Variants in TPD52L1 observed in about 807,000 individuals in gnomAD.
TPD52L1 encodes the protein tumor protein D53.
TPD52L1 carries 18 observed loss-of-function variants against 28.7 expected under a neutral mutation model. The ratio of observed to expected loss-of-function variants is 0.63; its 90% CI spans 0.43 to 0.93. The LOEUF (loss-of-function observed/expected upper bound fraction) is 0.93, where lower values mean the gene tolerates loss of function less well. Ranked by LOEUF, TPD52L1 falls within the 40% of genes least tolerant of loss-of-function variation. TPD52L1 has a pLI of 0.00. For synonymous variants in TPD52L1, 75 were observed against 88.8 expected (o/e 0.84, Z 0.88); for missense variants, 203 against 254.8 (o/e 0.80, Z 1.39).
intron 1 of TPD52L1, among the ~76,000 whole-genome samples, chr6:125,177,142 C>T (rs80307286): frequency 0.012 from 1,858 of 152,290 alleles, 37 homozygotes; most frequent in African/African-American, 0.042. Context: ...TACATTCACC[C>T]GTACATTGGT....
intron 1 of TPD52L1, among the ~76,000 whole-genome samples, chr6:125,186,029 G>A (rs953321487): frequency 1.3e-5 from 2 of 151,754 alleles, no homozygotes; most frequent in African/African-American, 4.8e-5. Flanking sequence ...GAGTAGCTGA[G>A]ATTATAGATG....
chr6:125,154,006 TG>T, intron 1 of TPD52L1, 36 bp downstream of exon 1: 1 of 1,593,192 alleles, frequency 6.3e-7, no homozygotes. Context: ...AGTCAGGTCC[TG>T]GGGCGCGCAT....
chr6:125,163,742 A>G (rs1292038452), intron 1 of TPD52L1, among the ~76,000 whole-genome samples: 2 of 151,418 alleles, frequency 1.3e-5, no homozygotes, highest in Non-Finnish European at 2.9e-5. Flanking sequence ...CCTGATCAAC[A>G]TCGTGAAACC....
At chr6:125,172,472 G>C (rs1300538078) in intron 1 of TPD52L1, among the ~76,000 whole-genome samples, 1 of 110,512 alleles carries the variant, frequency 9.0e-6, no homozygotes, top group African/African-American at 3.9e-5. Context: ...GTGTGTGTGT[G>C]TGTGTGTTTT....
At position 125,166,751 on chromosome 6, in the gene TPD52L1, T is replaced by C. The variant is rs537514835; in HGVS notation, c.19+12781T>C. On this transcript the variant is annotated intron_variant, in intron 1 of 6. Coordinates refer to ENST00000534000, the MANE Select transcript of TPD52L1 (RefSeq NM_003287.4). ...AAAGGGAGGTGGAGAAAAGGCAATA[T>C]TGAGAGAGCAAATGACTTCTTTAAA... Among the ~76,000 whole-genome samples, 143 of 150,232 alleles carry C rather than the reference T, an allele frequency of 9.5e-4. 1 individual carries two copies. Among genetic ancestry groups the C allele is most frequent in the South Asian group, 1.9e-3 (9 of 4,756 alleles).
chr6:125,257,397 C>A (rs532066776), intron 6 of TPD52L1, among the ~76,000 whole-genome samples: 1 of 152,106 alleles, frequency 6.6e-6, no homozygotes, highest in Non-Finnish European at 1.5e-5. Flanking sequence ...TTGGGGTATG[C>A]GTTTACCACT....
In TPD52L1 at chr6:125,187,087, C is replaced by T. The variant is rs141941262; in HGVS notation, c.20-32991C>T. On this transcript the variant is annotated intron_variant, in intron 1 of 6. Transcript: ENST00000534000. The stretch of plus-strand genomic sequence containing the variant: ...ACCAGTTAATAGATTAATATCAATA[C>T]AATATGAAAAAAATCTAATAATTTG... Among the ~76,000 whole-genome samples the T allele has an allele frequency of 4.0e-5, 6 of 151,592 alleles. No individual in the cohort carries two copies. In the East Asian group the frequency reaches 9.7e-4, roughly 24 times the overall value.
At chr6:125,211,018 G>GAGCC (rs1794458861) in intron 1 of TPD52L1, among the ~76,000 whole-genome samples, 1 of 152,154 alleles carries the variant, frequency 6.6e-6, no homozygotes, top group Non-Finnish European at 1.5e-5. Flanking sequence ...CTGCAGGACA[G>GAGCC]AGCCAGGACT....
At chr6:125,174,536 G>A (rs765869172) in intron 1 of TPD52L1, among the ~76,000 whole-genome samples, 3 of 152,164 alleles carry the variant, frequency 2.0e-5, no homozygotes, top group African/African-American at 7.2e-5. Flanking sequence ...CCGAAATTTT[G>A]CTAATGAGAC....
chr6:125,163,726 G>T (rs1790681158), intron 1 of TPD52L1, among the ~76,000 whole-genome samples: 1 of 151,544 alleles, frequency 6.6e-6, no homozygotes, highest in Non-Finnish European at 1.5e-5. Flanking sequence ...AGGAGCTCAA[G>T]ACCAGCCTGA....
chr6:125,254,566 A>T (rs561106573), intron 5 of TPD52L1, among the ~76,000 whole-genome samples: 1 of 151,920 alleles, frequency 6.6e-6, no homozygotes, highest in East Asian at 1.9e-4. Flanking sequence ...AGCCTTTGGG[A>T]TCTTCCCCCA....
intron 1 of TPD52L1, among the ~76,000 whole-genome samples, chr6:125,217,693 A>G (rs956885181): frequency 2.0e-5 from 3 of 152,126 alleles, no homozygotes; most frequent in Non-Finnish European, 2.9e-5. Flanking sequence ...CCTCTGCCCT[A>G]TGGGATCCTC....
At chr6:125,209,958 A>G (rs1475212479) in intron 1 of TPD52L1, among the ~76,000 whole-genome samples, 1 of 152,220 alleles carries the variant, frequency 6.6e-6, no homozygotes. Context: ...GAAACTTGAT[A>G]GAGAGTTCAT....
chr6:125,263,006 A>C lies in TPD52L1; in HGVS notation c.*44A>C. ...TGCATCCAGAAACCGGCCACTACCC[A>C]GCCCATCTCTGCCTGTGCTTATCCA... On this transcript the variant is annotated 3_prime_UTR_variant, in exon 7 of 7. Coordinates refer to ENST00000534000, the MANE Select transcript of TPD52L1 (RefSeq NM_003287.4). 6.3e-7 allele frequency: 1 copy of C among 1,582,346 alleles called. No homozygotes were observed. Among genetic ancestry groups the C allele is most frequent in the Non-Finnish European group, 8.6e-7 (1 of 1,164,992 alleles).
rs1554219324 is a variant in TPD52L1 at position 125,260,921 on chromosome 6, GA to G, written c.487-1911del. ...GGGAGAAAGAAAGGAAAGAAAGAAA[GA>G]AGAAAGAAAGAAAGAAAGAAAGAAA... On this transcript the variant is annotated intron_variant, in intron 6 of 6. Transcript: ENST00000534000. 4 of 58,804 alleles carry G rather than the reference GA, an allele frequency of 6.8e-5. 1 individual carries two copies. The highest frequency in any genetic ancestry group is 4.0e-4 in the African/African-American group (3 of 7,440). The allele number at this position is 58,804 out of a possible 1,614,324, so 3.6% of individuals were successfully genotyped here.
At chr6:125,262,562 C>G (rs1427089335) in intron 6 of TPD52L1, 2 of 334,544 alleles carry the variant, frequency 6.0e-6, no homozygotes, top group Non-Finnish European at 1.1e-5. Context: ...CGATTATGCT[C>G]CTGAAGGGAT....
chr6:125,252,823 C>G (rs550069734), intron 4 of TPD52L1: 3 of 152,288 alleles, frequency 2.0e-5, no homozygotes, highest in African/African-American at 7.2e-5. Context: ...TTTCTGTGTT[C>G]TAGCAAAGTG....
chr6:125,203,700 G>A, intron 1 of TPD52L1: 5 of 985,452 alleles, frequency 5.1e-6, no homozygotes, highest in Non-Finnish European at 6.0e-6. Flanking sequence ...GGGCTGAGCA[G>A]CTCACTCTTT....
chr6:125,183,565 G>A (rs913613077), intron 1 of TPD52L1, among the ~76,000 whole-genome samples: 4 of 152,182 alleles, frequency 2.6e-5, no homozygotes, highest in South Asian at 2.1e-4. Context: ...TGCCCAGTCC[G>A]TGAAGGGCCT....
Sources: allele counts gnomAD v4.1 joint callset (sites outside exome capture counted in the v4.1 genomes callset), GRCh38; gene constraint gnomAD v4.1.1; transcripts MANE v1.5; gene names NCBI Gene and HGNC (gene_info 2026-07-23, HGNC 2026-07-21).